HERC2: variants seen among roughly 807,000 people sequenced by gnomAD.
The protein encoded by HERC2 is E3 ubiquitin-protein ligase HERC2.
A neutral mutation model predicts 537.7 loss-of-function variants in HERC2; 102 were observed. The ratio of observed to expected loss-of-function variants is 0.19; its 90% confidence interval spans 0.16 to 0.22. The LOEUF is 0.22. Ranked by LOEUF, HERC2 falls within the 10% of genes least tolerant of loss-of-function variation. The pLI, the probability that HERC2 is intolerant of heterozygous loss-of-function variation, is 1.00. For missense variants in HERC2, 4,236 were observed against 6,198.2 expected (o/e 0.68, Z 10.63); for synonymous variants, 2,224 against 2,466.2 (o/e 0.90, Z 2.91).
intron 2 of HERC2, among the ~76,000 whole-genome samples, chr15:28,304,651 AC>A (rs2076729876): frequency 6.6e-6 from 1 of 150,438 alleles, no homozygotes; most frequent in Non-Finnish European, 1.5e-5. Context: ...GGTGTGAGCC[AC>A]TGCACCCGGC....
At chr15:28,197,178 AC>A (rs1897422734) in intron 50 of HERC2, among the ~76,000 whole-genome samples, 1 of 152,226 alleles carries the variant, frequency 6.6e-6, no homozygotes, top group Admixed American at 6.5e-5. Flanking sequence ...GGAACCACCA[AC>A]TGTGGCCATT....
chr15:28,204,697 C>T (rs1267068596), intron 45 of HERC2, among the ~76,000 whole-genome samples: 1 of 150,532 alleles, frequency 6.6e-6, no homozygotes, highest in African/African-American at 2.4e-5. Flanking sequence ...AAATGAGAGC[C>T]AAATGGAAAT....
rs748053596 is a variant in HERC2, at chr15:28,224,166, C to CACACACAGAG, written c.5465-1952_5465-1951insCTCTGTGTGT. On this transcript the variant is annotated intron_variant, in intron 35 of 92. Transcript: ENST00000261609. ...ACACACACCCACACACACACACACA[C>CACACACAGAG]AGAGAGAGAGAGAAACAGACAGACA... Among the ~76,000 whole-genome samples the CACACACAGAG allele has an allele frequency of 4.9e-3, 717 of 147,720 alleles. 7 individuals are homozygous for CACACACAGAG. The highest frequency in any genetic ancestry group is 0.017 in the African/African-American group (665 of 38,806).
At chr15:28,152,546 G>A (rs1892562217) in intron 70 of HERC2, 131 bp downstream of exon 70, 1 of 811,756 alleles carries the variant, frequency 1.2e-6, no homozygotes, top group Non-Finnish European at 1.9e-6. Flanking sequence ...GGGGAGAAAA[G>A]TGATTCTAAA....
intron 83 of HERC2, among the ~76,000 whole-genome samples, chr15:28,126,856 G>A (rs894416263): frequency 1.3e-5 from 2 of 152,134 alleles, no homozygotes; most frequent in Non-Finnish European, 2.9e-5. Flanking sequence ...CCAAAAACTT[G>A]TTGAAATAAA....
intron 86 of HERC2, among the ~76,000 whole-genome samples, chr15:28,118,623 C>T (rs1203091693): frequency 6.6e-6 from 1 of 152,210 alleles, no homozygotes; most frequent in Non-Finnish European, 1.5e-5. Context: ...CTGAAACTAT[C>T]CAGACAGCTG....
At chr15:28,123,986 A>C (rs1889202629) in intron 85 of HERC2, 51 bp downstream of exon 85, 1 of 1,412,666 alleles carries the variant, frequency 7.1e-7, no homozygotes, top group African/African-American at 1.4e-5. Context: ...ATTGGGTTAC[A>C]TGTACTGAAG....
At position 28,268,572 on chromosome 15, in the gene HERC2, T is replaced by C. The variant is rs1178704348; in HGVS notation, c.1491A>G (p.Lys497=). 2 of 1,614,078 alleles carry C rather than the reference T, an allele frequency of 1.2e-6. No homozygotes were observed. Among genetic ancestry groups the C allele is most frequent in the South Asian group, 2.2e-5 (2 of 91,078 alleles). Residue 497 remains lysine, a synonymous_variant, in exon 12 of 93, where the codon AAA becomes AAG. Transcript: ENST00000261609. This position sits in a 1 kb window ranked among gnomAD's most constrained non-coding sequence, Gnocchi z 4.7. ...VQGLASRNIV[K]IAAHSDGHHY... ...GGTGACCATCAGAATGGGCAGCAAT[T>C]TTTACAATGTTTCTGGAGGCAAGGC...
At chr15:28,217,924 C>G (rs942679700) in intron 38 of HERC2, among the ~76,000 whole-genome samples, 7 of 151,902 alleles carry the variant, frequency 4.6e-5, no homozygotes, top group African/African-American at 9.7e-5. Context: ...CCTGCCCGCA[C>G]CTGGATTTGG....
intron 37 of HERC2, among the ~76,000 whole-genome samples, chr15:28,218,961 C>T (rs111656069): frequency 2.2e-4 from 33 of 152,234 alleles, no homozygotes; most frequent in African/African-American, 7.7e-4. Flanking sequence ...CCCAAACTGT[C>T]ATCTTTTCTG....
Position 28,268,393 on chromosome 15 carries a change from G to T in HERC2, c.1598+72C>A. On this transcript the variant is annotated intron_variant, in intron 12 of 92. Coordinates refer to ENST00000261609, the MANE Select transcript of HERC2 (RefSeq NM_004667.6). The surrounding 1 kb of genome is among the most constrained non-coding windows in gnomAD (Gnocchi z 4.7). ...TTGGAAAACACCTGGACACACTTCT[G>T]CGCTCCATCCTGTTTAGGATATGGC... 7.0e-7 allele frequency: 1 copy of T among 1,434,330 alleles called. No individual in the cohort carries two copies. The allele number at this position is 1,434,330 out of a possible 1,614,324, so 88.9% of individuals were successfully genotyped here. A position where few individuals can be genotyped will look rare whatever the true frequency, so the allele number is the denominator to read the frequency against.
intron 2 of HERC2, among the ~76,000 whole-genome samples, chr15:28,319,007 TG>T (rs1446042885): frequency 6.6e-6 from 1 of 150,938 alleles, no homozygotes; most frequent in Non-Finnish European, 1.5e-5. Flanking sequence ...CCACTCCAGC[TG>T]GGAGAGCCAT....
chr15:28,281,854 G>A (rs1442561276), intron 4 of HERC2, among the ~76,000 whole-genome samples: 2 of 152,042 alleles, frequency 1.3e-5, no homozygotes, highest in Non-Finnish European at 2.9e-5. Flanking sequence ...AGCCCTTCCT[G>A]AAGAGTCACT....
chr15:28,316,789 T>C (rs1008684560), intron 2 of HERC2, among the ~76,000 whole-genome samples: 2 of 152,188 alleles, frequency 1.3e-5, no homozygotes, highest in African/African-American at 4.8e-5. Flanking sequence ...TCGTTTTTAT[T>C]TTTTTTGAGA....
chr15:28,265,264 C>T lies in HERC2; in HGVS notation c.1870+354G>A, dbSNP rs1246358863. On this transcript the variant is annotated intron_variant, in intron 14 of 92. Coordinates refer to ENST00000261609, the MANE Select transcript of HERC2 (RefSeq NM_004667.6). The surrounding 1 kb of genome is among the most constrained non-coding windows in gnomAD (Gnocchi z 4.0). ...GATACCGTAGCATCAGACTACAGAA[C>T]ACAGAAAGACTTAGCAGGAATTACC... 6.6e-6 allele frequency among the ~76,000 whole-genome samples: 1 copy of T among 152,122 alleles called. No homozygotes were observed. The highest frequency in any genetic ancestry group is 1.5e-5 in the Non-Finnish European group (1 of 68,034).
chr15:28,130,098 G>C, intron 83 of HERC2, 65 bp downstream of exon 83: 1 of 1,591,828 alleles, frequency 6.3e-7, no homozygotes, highest in Non-Finnish European at 8.6e-7. Flanking sequence ...GGCTGCGCAT[G>C]TCCTTCATGC....
chr15:28,238,985 T>A (rs60025758), intron 23 of HERC2, among the ~76,000 whole-genome samples: 1 of 152,158 alleles, frequency 6.6e-6, no homozygotes, highest in East Asian at 1.9e-4. Flanking sequence ...AATACCAAAT[T>A]GGGCCATGCC....
At chr15:28,150,073 C>T (rs1000004640) in intron 70 of HERC2, among the ~76,000 whole-genome samples, 1 of 151,786 alleles carries the variant, frequency 6.6e-6, no homozygotes, top group Non-Finnish European at 1.5e-5. Context: ...AGAACGGCCA[C>T]ACAAACGCAC....
At chr15:28,247,421 CTTT>C (rs71132843) in intron 21 of HERC2, among the ~76,000 whole-genome samples, 374 of 76,210 alleles carry the variant, frequency 4.9e-3, no homozygotes, top group African/African-American at 0.018. Flanking sequence ...CTACATGGTT[CTTT>C]TTTTTTTTTT....
Sources: gnomAD v4.1 joint callset for allele counts (sites outside exome capture counted in the v4.1 genomes callset) on GRCh38, gnomAD v4.1.1 for gene constraint, Gnocchi (gnomAD v3.1) non-coding constraint, MANE v1.5 for transcripts, NCBI Gene and HGNC (gene_info 2026-07-23, HGNC 2026-07-21) for gene names.